The following ZBTB20 variants were observed in gnomAD, a reference collection of about 807,000 sequenced individuals.
ZBTB20 encodes zinc finger and BTB domain-containing protein 20.
A neutral mutation model predicts 56.9 loss-of-function variants in ZBTB20; 9 were observed. That is an observed-to-expected ratio of 0.16 (90% CI 0.10 to 0.28). The LOEUF (loss-of-function observed/expected upper bound fraction) is 0.28. ZBTB20 is among the 10% of genes least tolerant of loss of function. The pLI is 1.00. For missense variants in ZBTB20, 655 were observed against 1,003.0 expected, an observed-to-expected ratio of 0.65 and a Z score of 4.69; for synonymous variants, 417 against 420.7, an observed-to-expected ratio of 0.99 and a Z score of 0.11.
chr3:114,748,352 T>TCTC (rs374192570), intron 5 of ZBTB20, among the ~76,000 whole-genome samples: 16 of 48,654 alleles, frequency 3.3e-4, no homozygotes, highest in African/African-American at 8.6e-4. Flanking sequence ...TTTCTTTCTT[T>TCTC]TCTCTCTCTC....
chr3:114,421,424 T>C (rs2108824554), intron 7 of ZBTB20, among the ~76,000 whole-genome samples: 1 of 152,300 alleles, frequency 6.6e-6, no homozygotes, highest in East Asian at 1.9e-4. Flanking sequence ...TGATTTGAAC[T>C]TTCCACTTAG....
At chr3:114,897,589 A>C (rs1298363423) in intron 4 of ZBTB20, among the ~76,000 whole-genome samples, 1 of 152,102 alleles carries the variant, frequency 6.6e-6, no homozygotes, top group Non-Finnish European at 1.5e-5. Context: ...ATATCTGTCT[A>C]GTTTAATGAT....
intron 4 of ZBTB20, among the ~76,000 whole-genome samples, chr3:114,816,685 T>C (rs2072940704): frequency 6.6e-6 from 1 of 152,184 alleles, no homozygotes; most frequent in Middle Eastern, 3.2e-3. Context: ...AAAATCCCCA[T>C]TTAATAGAGA....
chr3:114,636,421 T>A (rs952118838), intron 6 of ZBTB20, among the ~76,000 whole-genome samples: 2 of 152,046 alleles, frequency 1.3e-5, no homozygotes, highest in Admixed American at 6.6e-5. Context: ...AGTGTGTAAA[T>A]CACTTTCAAC....
At chr3:114,946,099 A>G (rs2076878764) in intron 3 of ZBTB20, among the ~76,000 whole-genome samples, 2 of 145,760 alleles carry the variant, frequency 1.4e-5, no homozygotes, top group South Asian at 4.3e-4. Flanking sequence ...TCAGTAAATG[A>G]TAGAACTTGG....
intron 7 of ZBTB20, among the ~76,000 whole-genome samples, chr3:114,402,166 G>A (rs182760256): frequency 6.6e-6 from 1 of 152,278 alleles, no homozygotes; most frequent in African/African-American, 2.4e-5. Flanking sequence ...TCAAACCAAA[G>A]AATGTTTTAG....
chr3:114,847,319 T>C (rs1481932069), intron 4 of ZBTB20, among the ~76,000 whole-genome samples: 2 of 151,468 alleles, frequency 1.3e-5, no homozygotes, highest in African/African-American at 2.4e-5. Flanking sequence ...ACATGCTTCA[T>C]AGTTACCCTC....
chr3:115,101,955 C>T (rs1000530653), intron 1 of ZBTB20, among the ~76,000 whole-genome samples: 3 of 152,172 alleles, frequency 2.0e-5, no homozygotes, highest in Middle Eastern at 3.2e-3. Context: ...TCAACCGATT[C>T]TTCACCTTAT....
At chr3:114,935,757 G>A (rs941311320) in intron 3 of ZBTB20, among the ~76,000 whole-genome samples, 1 of 152,114 alleles carries the variant, frequency 6.6e-6, no homozygotes, top group African/African-American at 2.4e-5. Context: ...TGTGCTATTT[G>A]GTTTTAAGCA....
At chr3:114,412,471 AC>A (rs1559755544) in intron 7 of ZBTB20, among the ~76,000 whole-genome samples, 1 of 152,136 alleles carries the variant, frequency 6.6e-6, no homozygotes, top group Admixed American at 6.5e-5. Flanking sequence ...TCTCAGTGTG[AC>A]TGGGTGTATC....
At chr3:114,377,030 A>G (rs2083722883) in intron 10 of ZBTB20, among the ~76,000 whole-genome samples, 2 of 152,338 alleles carry the variant, frequency 1.3e-5, no homozygotes, top group South Asian at 4.1e-4. Context: ...GGTTTTTCAT[A>G]TGGAGAGCTT....
At chr3:114,917,860 GC>G (rs2075806282) in intron 3 of ZBTB20, among the ~76,000 whole-genome samples, 1 of 152,102 alleles carries the variant, frequency 6.6e-6, no homozygotes, top group African/African-American at 2.4e-5. Context: ...CTTGCAGAAG[GC>G]CCACTATAAC....
At chr3:114,801,615 A>C (rs943182604) in intron 4 of ZBTB20, among the ~76,000 whole-genome samples, 6 of 151,916 alleles carry the variant, frequency 3.9e-5, no homozygotes, top group Non-Finnish European at 7.4e-5. Flanking sequence ...AAGGGAAATT[A>C]TGACTTCAAA....
At chr3:114,913,100 GCAGT>G (rs1469546405) in intron 3 of ZBTB20, among the ~76,000 whole-genome samples, 1 of 151,932 alleles carries the variant, frequency 6.6e-6, no homozygotes, top group African/African-American at 2.4e-5. Flanking sequence ...TATATACCTA[GCAGT>G]CAGATTGCTG....
chr3:114,737,704 A>G (rs2066278555), intron 5 of ZBTB20, among the ~76,000 whole-genome samples: 1 of 152,178 alleles, frequency 6.6e-6, no homozygotes, highest in Non-Finnish European at 1.5e-5. Flanking sequence ...GAAATAAAAC[A>G]TTTAAATTAC....
chr3:115,126,563 A>C (rs1476546245), intron 1 of ZBTB20, among the ~76,000 whole-genome samples: 1 of 152,214 alleles, frequency 6.6e-6, no homozygotes, highest in Non-Finnish European at 1.5e-5. Context: ...ACATGGGTGA[A>C]TCTTAATATC....
intron 6 of ZBTB20, among the ~76,000 whole-genome samples, chr3:114,677,783 TATC>T (rs770880744): frequency 5.3e-5 from 8 of 152,176 alleles, no homozygotes; most frequent in Admixed American, 1.3e-4. Flanking sequence ...AATGATTTAA[TATC>T]ATTTCATTTA....
At chr3:114,603,907 T>A (rs1464894990) in intron 6 of ZBTB20, among the ~76,000 whole-genome samples, 1 of 152,016 alleles carries the variant, frequency 6.6e-6, no homozygotes, top group African/African-American at 2.4e-5. Flanking sequence ...TATTTTATAG[T>A]TGAGGCTTGG....
At chr3:114,952,291 T>G (rs551621696) in intron 3 of ZBTB20, among the ~76,000 whole-genome samples, 4 of 152,148 alleles carry the variant, frequency 2.6e-5, no homozygotes, top group Non-Finnish European at 5.9e-5. Flanking sequence ...ATAAAAAGAA[T>G]AGTTTGGCCC....
Sources: allele counts gnomAD v4.1 joint callset (sites outside exome capture counted in the v4.1 genomes callset), GRCh38; gene constraint gnomAD v4.1.1; transcripts MANE v1.5; gene names NCBI Gene and HGNC (gene_info 2026-07-23, HGNC 2026-07-21).